DPP10: variants seen among roughly 807,000 people sequenced by gnomAD.
DPP10 encodes inactive dipeptidyl peptidase 10.
A neutral mutation model predicts 120.9 loss-of-function variants in DPP10; 33 were observed. The ratio of observed to expected loss-of-function variants is 0.27; its 90% CI spans 0.21 to 0.37. DPP10 has a LOEUF of 0.37. Ranked by LOEUF, DPP10 falls within the 10% of genes least tolerant of loss-of-function variation. The pLI, the probability that DPP10 is intolerant of heterozygous loss-of-function variation, is 1.00. For missense variants in DPP10, 816 were observed against 942.8 expected (o/e 0.87, Z 1.76); for synonymous variants, 337 against 326.1 (o/e 1.03, Z -0.36).
chr2:114,476,614 A>G (rs893999416), intron 1 of DPP10, among the ~76,000 whole-genome samples: 1 of 152,246 alleles, frequency 6.6e-6, no homozygotes, highest in Non-Finnish European at 1.5e-5. Context: ...TTACATTTAT[A>G]TAATCATTGA....
intron 1 of DPP10, among the ~76,000 whole-genome samples, chr2:114,466,771 C>T (rs1346036531): frequency 3.3e-5 from 5 of 152,042 alleles, no homozygotes; most frequent in Admixed American, 2.6e-4. Flanking sequence ...TGGCAGGGCG[C>T]GATGGCTCAT....
At chr2:115,539,156 T>C (rs2148955796) in intron 5 of DPP10, among the ~76,000 whole-genome samples, 1 of 152,054 alleles carries the variant, frequency 6.6e-6, no homozygotes, top group African/African-American at 2.4e-5. Context: ...TTAGAGGCTG[T>C]ATAGGAGACA....
At chr2:115,288,025 G>A (rs191314425) in intron 1 of DPP10, among the ~76,000 whole-genome samples, 8 of 152,134 alleles carry the variant, frequency 5.3e-5, no homozygotes, top group Admixed American at 2.6e-4. Flanking sequence ...TTTCCTTTGG[G>A]TAGATATTTG....
intron 5 of DPP10, among the ~76,000 whole-genome samples, chr2:115,577,255 G>C (rs528512330): frequency 1.3e-5 from 2 of 152,160 alleles, no homozygotes; most frequent in African/African-American, 4.8e-5. Flanking sequence ...CTAGGGTTCC[G>C]TAGAGTCTAG....
intron 8 of DPP10, among the ~76,000 whole-genome samples, chr2:115,737,995 A>G (rs888537952): frequency 2.6e-5 from 4 of 152,138 alleles, no homozygotes; most frequent in African/African-American, 4.8e-5. Flanking sequence ...TTGATGTTCA[A>G]TATCTTCAGC....
At chr2:114,760,492 A>C (rs1294593503) in intron 1 of DPP10, among the ~76,000 whole-genome samples, 1 of 151,862 alleles carries the variant, frequency 6.6e-6, no homozygotes, top group Non-Finnish European at 1.5e-5. Context: ...TGGAAGTACA[A>C]GTATTTCATT....
chr2:114,902,412 G>A (rs957104723), intron 1 of DPP10, among the ~76,000 whole-genome samples: 1 of 152,242 alleles, frequency 6.6e-6, no homozygotes, highest in Admixed American at 6.5e-5. Flanking sequence ...TCTGGACTCT[G>A]TGATCGTTCA....
In DPP10 at chr2:115,768,286, C is replaced by A. The variant is rs548660387; in HGVS notation, c.1114-11C>A. The A allele has an allele frequency of 6.2e-7, 1 of 1,612,446 alleles. No individual in the cohort carries two copies. The highest frequency in any genetic ancestry group is 1.1e-5 in the South Asian group (1 of 90,972). On this transcript the variant is annotated splice_polypyrimidine_tract_variant and intron_variant, in intron 12 of 25. Transcript: ENST00000410059. ...CTTTCTGAGATTGTTCTGTGCTCTT[C>A]TGTATTTTAGAATGAGGAGCCCGTG...
At chr2:114,913,936 G>A (rs757443632) in intron 1 of DPP10, among the ~76,000 whole-genome samples, 16 of 152,118 alleles carry the variant, frequency 1.1e-4, no homozygotes, top group Non-Finnish European at 2.2e-4. Flanking sequence ...CAATGCAATT[G>A]GAAGTATTAA....
rs116630483 is a variant in DPP10 at position 114,615,697 on chromosome 2, G to A, written c.60+172859G>A. ...ACGATGCTTCTTACCCTTTCAATGC[G>A]TTATTCTTTCCATCTGGAAAACAAA... On this transcript the variant is annotated intron_variant, in intron 1 of 25. Transcript: ENST00000410059. Among the ~76,000 whole-genome samples the A allele has an allele frequency of 5.5e-3, 835 of 152,206 alleles. 9 individuals are homozygous for A. The highest frequency in any genetic ancestry group is 0.019 in the African/African-American group (795 of 41,536).
chr2:114,534,620 A>C (rs1686330743), intron 1 of DPP10, among the ~76,000 whole-genome samples: 1 of 152,098 alleles, frequency 6.6e-6, no homozygotes, highest in Admixed American at 6.6e-5. Context: ...ATTTTTACAT[A>C]GTTACTTATT....
chr2:114,924,385 G>A (rs976126354), intron 1 of DPP10, among the ~76,000 whole-genome samples: 1 of 152,102 alleles, frequency 6.6e-6, no homozygotes, highest in Non-Finnish European at 1.5e-5. Flanking sequence ...AAATTAGTCA[G>A]GCATGGTGGT....
chr2:114,510,733 T>C (rs2104577013), intron 1 of DPP10, among the ~76,000 whole-genome samples: 1 of 152,316 alleles, frequency 6.6e-6, no homozygotes, highest in Non-Finnish European at 1.5e-5. Context: ...CTTCATACTG[T>C]TCTTTGAGAC....
chr2:114,497,399 A>G (rs1337098969), intron 1 of DPP10, among the ~76,000 whole-genome samples: 3 of 131,374 alleles, frequency 2.3e-5, no homozygotes, highest in African/African-American at 7.8e-5. Flanking sequence ...ACACATACAT[A>G]TACATATACA....
At chr2:115,399,153 A>C (rs1208305945) in intron 3 of DPP10, among the ~76,000 whole-genome samples, 1 of 152,160 alleles carries the variant, frequency 6.6e-6, no homozygotes, top group Non-Finnish European at 1.5e-5. Context: ...CATCTTTGAT[A>C]ATTACTACAA....
intron 1 of DPP10, among the ~76,000 whole-genome samples, chr2:115,072,120 T>A (rs1707414674): frequency 6.6e-6 from 1 of 151,972 alleles, no homozygotes; most frequent in South Asian, 2.1e-4. Flanking sequence ...CAGAAATGAG[T>A]CACAGATTGG....
At chr2:114,528,880 C>T (rs572366791) in intron 1 of DPP10, among the ~76,000 whole-genome samples, 2 of 152,064 alleles carry the variant, frequency 1.3e-5, no homozygotes, top group African/African-American at 4.8e-5. Context: ...CACTTCTGTT[C>T]CTCTTTACAT....
intron 5 of DPP10, among the ~76,000 whole-genome samples, chr2:115,554,087 A>G (rs776801960): frequency 1.0e-4 from 15 of 150,522 alleles, no homozygotes; most frequent in Non-Finnish European, 2.1e-4. Context: ...GAAAAACCCT[A>G]TCTTGCTTTA....
At chr2:115,323,995 G>C (rs954958669) in intron 2 of DPP10, among the ~76,000 whole-genome samples, 5 of 152,122 alleles carry the variant, frequency 3.3e-5, no homozygotes, top group Admixed American at 2.0e-4. Context: ...GCCCCTAATA[G>C]GAGAGTCAGC....
Sources: allele counts gnomAD v4.1 joint callset (sites outside exome capture counted in the v4.1 genomes callset), GRCh38; gene constraint gnomAD v4.1.1; transcripts MANE v1.5; gene names NCBI Gene and HGNC (gene_info 2026-07-23, HGNC 2026-07-21).